MYRIP: variants seen among roughly 807,000 people sequenced by gnomAD.
MYRIP encodes rab effector MyRIP.
MYRIP carries 49 observed loss-of-function variants against 98.0 expected under a neutral mutation model. The ratio of observed to expected loss-of-function variants is 0.50; its 90% CI spans 0.40 to 0.63. The LOEUF is 0.63. Ranked by LOEUF, MYRIP falls within the 30% of genes least tolerant of loss-of-function variation. The pLI is 0.00. For synonymous variants in MYRIP, 404 were observed against 409.5 expected (o/e 0.99, Z 0.16); for missense variants, 1,004 against 1,058.2 (o/e 0.95, Z 0.71).
intron 2 of MYRIP, among the ~76,000 whole-genome samples, chr3:39,931,957 T>A (rs1256413106): frequency 6.6e-6 from 1 of 152,214 alleles, no homozygotes; most frequent in East Asian, 1.9e-4. Flanking sequence ...GGAATATTGG[T>A]CTGTACTTTT....
chr3:39,897,192 G>C (rs1271723443), intron 1 of MYRIP, among the ~76,000 whole-genome samples: 2 of 152,222 alleles, frequency 1.3e-5, no homozygotes, highest in African/African-American at 4.8e-5. Context: ...ATCAAAGAAA[G>C]AGGTTTCTGC....
chr3:39,867,670 G>A (rs1020301131), intron 1 of MYRIP, among the ~76,000 whole-genome samples: 15 of 152,172 alleles, frequency 9.9e-5, no homozygotes, highest in African/African-American at 3.4e-4. Flanking sequence ...AGGATGTGGA[G>A]AAAAGGGAAT....
At chr3:39,947,414 G>T (rs909914115) in intron 2 of MYRIP, among the ~76,000 whole-genome samples, 1 of 152,030 alleles carries the variant, frequency 6.6e-6, no homozygotes, top group South Asian at 2.1e-4. Context: ...GAATACAAAT[G>T]AATAAAGTAT....
Position 40,060,412 on chromosome 3 carries a change from A to T in MYRIP, c.332+16141A>T, listed in dbSNP as rs1947982469. Among the ~76,000 whole-genome samples, 3 of 148,714 alleles carry T rather than the reference A, an allele frequency of 2.0e-5. No individual in the cohort carries two copies. The South Asian group carries it at 6.3e-4, about 31-fold the overall frequency. On this transcript the variant is annotated intron_variant, in intron 3 of 16. Coordinates refer to ENST00000302541, the MANE Select transcript of MYRIP (RefSeq NM_015460.4). ...TGGACTATGTTTTGCTTGAACTCAG[A>T]TTTTTTTTTTCTTATTTCAAAGGAA... is the stretch of plus-strand genomic sequence containing the variant.
chr3:39,989,667 A>AG (rs35419020), intron 2 of MYRIP, among the ~76,000 whole-genome samples: 76,617 of 152,160 alleles, frequency 0.5, 21,034 homozygotes, highest in African/African-American at 0.75. Context: ...CCCTCCCGCT[A>AG]GGGCTCAGGC....
chr3:39,981,892 A>G (rs971114883), intron 2 of MYRIP, among the ~76,000 whole-genome samples: 9 of 152,152 alleles, frequency 5.9e-5, no homozygotes, highest in Non-Finnish European at 7.4e-5. Context: ...GGAAATATCA[A>G]TAGGTTAAAT....
chr3:39,857,988 T>C (rs1382149345), intron 1 of MYRIP, among the ~76,000 whole-genome samples: 2 of 152,050 alleles, frequency 1.3e-5, no homozygotes, highest in Admixed American at 1.3e-4. Flanking sequence ...ACAAAGGAAC[T>C]ACAAAGCAGC....
At chr3:40,033,758 T>C (rs1463960173) in intron 2 of MYRIP, among the ~76,000 whole-genome samples, 1 of 152,076 alleles carries the variant, frequency 6.6e-6, no homozygotes, top group Non-Finnish European at 1.5e-5. Context: ...GAGGCGGCAT[T>C]GCCAAGTCAA....
intron 2 of MYRIP, among the ~76,000 whole-genome samples, chr3:40,017,589 A>C (rs1156660613): frequency 6.6e-6 from 1 of 152,180 alleles, no homozygotes; most frequent in Non-Finnish European, 1.5e-5. Context: ...TTTTCTGAAA[A>C]AGATACATAA....
At chr3:39,973,885 G>C (rs1427694025) in intron 2 of MYRIP, among the ~76,000 whole-genome samples, 6 of 152,110 alleles carry the variant, frequency 3.9e-5, no homozygotes, top group African/African-American at 1.4e-4. Context: ...AGAATCTCTG[G>C]GACGCATTCA....
chr3:39,860,731 C>T (rs373507870), intron 1 of MYRIP, among the ~76,000 whole-genome samples: 1 of 152,206 alleles, frequency 6.6e-6, no homozygotes, highest in Non-Finnish European at 1.5e-5. Context: ...ACAGCCTCCT[C>T]CATGCTGCAT....
intron 12 of MYRIP, among the ~76,000 whole-genome samples, chr3:40,234,560 A>AGAG (rs1402057588): frequency 6.6e-6 from 1 of 152,126 alleles, no homozygotes; most frequent in Non-Finnish European, 1.5e-5. Context: ...GTGGGCAGGG[A>AGAG]GAGGAGTATA....
At chr3:40,233,565 C>G (rs895757889) in intron 11 of MYRIP, among the ~76,000 whole-genome samples, 1 of 152,078 alleles carries the variant, frequency 6.6e-6, no homozygotes, top group Non-Finnish European at 1.5e-5. Flanking sequence ...ATTAAACTAC[C>G]AGCAGTGAGC....
chr3:40,053,396 T>C lies in MYRIP; in HGVS notation c.332+9125T>C, dbSNP rs543419595. Among the ~76,000 whole-genome samples the C allele has an allele frequency of 1.2e-3, 176 of 152,342 alleles. 2 individuals are homozygous for C. The South Asian group carries it at 0.034, about 29-fold the overall frequency. On this transcript the variant is annotated intron_variant, in intron 3 of 16. Transcript: ENST00000302541. ...TGACCCTAAGTGACCATGAGGTGGA[T>C]AGGAATTCTTTAAAATTTAAATTGC...
chr3:40,055,510 G>A (rs6768659), intron 3 of MYRIP, among the ~76,000 whole-genome samples: 39,022 of 151,796 alleles, frequency 0.26, 5,208 homozygotes, highest in East Asian at 0.35. Flanking sequence ...AGCTTGTCAT[G>A]AGTTGAGGCG....
chr3:39,998,813 C>T (rs991308075), intron 2 of MYRIP, among the ~76,000 whole-genome samples: 1 of 152,210 alleles, frequency 6.6e-6, no homozygotes, highest in African/African-American at 2.4e-5. Context: ...CAGCATGGTA[C>T]TGGTACCAAA....
At chr3:40,029,750 G>A (rs1021136669) in intron 2 of MYRIP, among the ~76,000 whole-genome samples, 1 of 152,006 alleles carries the variant, frequency 6.6e-6, no homozygotes, top group Non-Finnish European at 1.5e-5. Context: ...ACCAGTAAAG[G>A]ACAAATAATC....
chr3:39,816,750 A>G (rs1384141943), intron 1 of MYRIP, among the ~76,000 whole-genome samples: 2 of 152,226 alleles, frequency 1.3e-5, no homozygotes, highest in Non-Finnish European at 1.5e-5. Flanking sequence ...TAATAATTAT[A>G]GAAATATAGG....
chr3:40,095,407 C>G (rs1948807023), intron 3 of MYRIP, among the ~76,000 whole-genome samples: 1 of 152,170 alleles, frequency 6.6e-6, no homozygotes, highest in African/African-American at 2.4e-5. Flanking sequence ...ACTGGCACAT[C>G]CAGCTTAGTG....
Sources: gnomAD v4.1 joint callset for allele counts (sites outside exome capture counted in the v4.1 genomes callset) on GRCh38, gnomAD v4.1.1 for gene constraint, MANE v1.5 for transcripts, NCBI Gene and HGNC (gene_info 2026-07-23, HGNC 2026-07-21) for gene names.